DNAH1: variants seen among roughly 807,000 people sequenced by gnomAD.
The protein encoded by DNAH1 is axonemal beta dynein heavy chain 1.
In DNAH1, 327 loss-of-function variants were observed where a neutral mutation model predicts 484.3. The ratio of observed to expected loss-of-function variants is 0.68; its 90% CI spans 0.62 to 0.74. The LOEUF (loss-of-function observed/expected upper bound fraction) is 0.74, where lower values mean the gene tolerates loss of function less well. Ranked by LOEUF, DNAH1 falls within the 30% of genes least tolerant of loss-of-function variation. DNAH1 has a pLI of 0.00. For missense variants in DNAH1, 5,052 were observed against 5,546.8 expected (o/e 0.91, Z 2.83); for synonymous variants, 2,192 against 2,191.9 (o/e 1.00, Z 0.00).
chr3:52,322,100 G>T (rs1419432453), intron 1 of DNAH1, among the ~76,000 whole-genome samples: 1 of 152,136 alleles, frequency 6.6e-6, no homozygotes, highest in Non-Finnish European at 1.5e-5. Flanking sequence ...GGGGAGAGGG[G>T]TGGACAAGTG....
intron 8 of DNAH1, among the ~76,000 whole-genome samples, chr3:52,334,934 C>T (rs548855670): frequency 2.6e-5 from 4 of 151,712 alleles, no homozygotes; most frequent in Non-Finnish European, 4.4e-5. Flanking sequence ...CTGCAAGATC[C>T]GCCCCCCGGC....
In DNAH1 at chr3:52,369,939, G is replaced by A. The variant is rs751396355; in HGVS notation, c.6058G>A (p.Glu2020Lys). ...PSILGLMPFI[E>K]CWLRKLPPLL... The stretch of plus-strand genomic sequence containing the variant: ...CATCCTGGGGCTCATGCCCTTCATC[G>A]AGTGCTGGCTGAGGAAGCTGCCTCC... The change falls in exon 38 of 78, where the codon GAG (glutamate) becomes AAG (lysine). Residue 2020 changes from glutamate to lysine, a missense_variant. Glu to Lys is a moderately conservative substitution (Grantham distance 56). Around this residue, in one of 4 missense-constraint regions of DNAH1, gnomAD observed 2,929 missense variants for 3,409.4 expected, o/e 0.86. Transcript: ENST00000420323. The A allele has an allele frequency of 2.2e-5, 35 of 1,613,864 alleles. No homozygotes were observed. Among genetic ancestry groups the A allele is most frequent in the African/African-American group, 2.7e-5 (2 of 74,932 alleles).
chr3:52,373,734 C>A (rs1164185077), intron 44 of DNAH1: 1 of 1,383,200 alleles, frequency 7.2e-7, no homozygotes, highest in Non-Finnish European at 1.0e-6. Context: ...TGTTTCTGAT[C>A]CACTAAGTGA....
At chr3:52,327,072 G>T (rs543219343) in intron 5 of DNAH1, among the ~76,000 whole-genome samples, 181 bp downstream of exon 5, 1 of 151,044 alleles carries the variant, frequency 6.6e-6, no homozygotes, top group Non-Finnish European at 1.5e-5. Flanking sequence ...GATGGGGCAG[G>T]TGGGGCCCCC....
At chr3:52,366,150 G>A (rs747166369) in intron 34 of DNAH1, among the ~76,000 whole-genome samples, 1 of 152,226 alleles carries the variant, frequency 6.6e-6, no homozygotes, top group Non-Finnish European at 1.5e-5. Flanking sequence ...GGCTGAAGTT[G>A]GGGCCTGTGA....
At chr3:52,337,507 T>C (rs543923959) in intron 8 of DNAH1, among the ~76,000 whole-genome samples, 2 of 152,348 alleles carry the variant, frequency 1.3e-5, no homozygotes, top group African/African-American at 4.8e-5. Flanking sequence ...GAGCCAAATT[T>C]AAAACCTTTT....
At chr3:52,348,627 A>G (rs375251055) in intron 12 of DNAH1, among the ~76,000 whole-genome samples, 19 of 152,218 alleles carry the variant, frequency 1.2e-4, no homozygotes, top group African/African-American at 4.6e-4. Flanking sequence ...AGGCCCAGGC[A>G]GAGTCATGCC....
In DNAH1 at chr3:52,356,602, T is replaced by TC. The variant is rs771068841; in HGVS notation, c.3694-8dup. 6.2e-7 allele frequency: 1 copy of TC among 1,612,284 alleles called. No individual in the cohort carries two copies. Among genetic ancestry groups the TC allele is most frequent in the East Asian group, 2.2e-5 (1 of 44,866 alleles). Reference sequence around the variant, plus strand: ...TCCATATCACACCCCTCCCTGCCCCTCCCCTCCCCAGGAGGTTCTGGAGGA... The same window carrying TC: ...TCCATATCACACCCCTCCCTGCCCCTCCCCCTCCCCAGGAGGTTCTGGAGGA... On this transcript the variant is annotated splice_polypyrimidine_tract_variant and intron_variant, in intron 21 of 77. Coordinates refer to ENST00000420323, the MANE Select transcript of DNAH1 (RefSeq NM_015512.5).
At chr3:52,311,609 G>C (rs1165977074), upstream of DNAH1, among the ~76,000 whole-genome samples, 1 of 152,200 alleles carries the variant, frequency 6.6e-6, no homozygotes, top group Non-Finnish European at 1.5e-5. Context: ...CTTTGCCTGA[G>C]TTCACAACTC....
chr3:52,389,170 A>T (rs1278121720), intron 59 of DNAH1, among the ~76,000 whole-genome samples: 1 of 152,236 alleles, frequency 6.6e-6, no homozygotes, highest in Admixed American at 6.5e-5. Flanking sequence ...AAGAGCTCAC[A>T]CTTCTGCACT....
At chr3:52,386,566 G>C in intron 55 of DNAH1, 96 bp from the exon 56 acceptor site, 1 of 1,378,444 alleles carries the variant, frequency 7.3e-7, no homozygotes, top group Non-Finnish European at 9.7e-7. Flanking sequence ...TGTGGTAGTA[G>C]AGACTTGGTT....
At chr3:52,373,696 TA>T in intron 44 of DNAH1, 1 of 1,368,202 alleles carries the variant, frequency 7.3e-7, no homozygotes, top group Non-Finnish European at 1.0e-6. Context: ...ATCCAGAAGT[TA>T]TGTCAGTGTT....
chr3:52,312,471 C>CT (rs1206348745), upstream of DNAH1, among the ~76,000 whole-genome samples: 2,451 of 135,118 alleles, frequency 0.018, 71 homozygotes, highest in African/African-American at 0.056. Context: ...TATTGCCACG[C>CT]TTTTTTTTTT....
rs765277114 is a variant in DNAH1, at chr3:52,391,618, T to C, written c.10052+15T>C. 2 of 1,613,386 alleles carry C rather than the reference T, an allele frequency of 1.2e-6. No homozygotes were observed. Among genetic ancestry groups the C allele is most frequent in the South Asian group, 1.1e-5 (1 of 91,062 alleles). The stretch of plus-strand genomic sequence containing the variant: ...CTGTCGCCCAGGTGAGCCCCCACTC[T>C]TGGGGACGCCCAAGCATCAGCTCTG... On this transcript the variant is annotated intron_variant, in intron 63 of 77. Coordinates refer to ENST00000420323, the MANE Select transcript of DNAH1 (RefSeq NM_015512.5).
chr3:52,367,520 G>C (rs912065059), intron 36 of DNAH1, among the ~76,000 whole-genome samples: 3 of 151,944 alleles, frequency 2.0e-5, no homozygotes, highest in Non-Finnish European at 4.4e-5. Flanking sequence ...AGGTGAGGGG[G>C]CTGGGGGTCA....
intron 63 of DNAH1, among the ~76,000 whole-genome samples, chr3:52,392,214 A>C (rs927774879): frequency 6.6e-6 from 1 of 152,192 alleles, no homozygotes; most frequent in African/African-American, 2.4e-5. Context: ...CCGCTCACAC[A>C]TCCAACTGCT....
At chr3:52,378,834 C>T (rs1345739223) in intron 47 of DNAH1, 54 bp downstream of exon 47, 1 of 1,597,024 alleles carries the variant, frequency 6.3e-7, no homozygotes, top group Non-Finnish European at 8.6e-7. Flanking sequence ...CCGCATCCTC[C>T]CCAGCCCCAC....
chr3:52,364,778 C>T lies in DNAH1; in HGVS notation c.5331+54C>T, dbSNP rs902221683. ...GTGGAACTCTGGGAGGGCTCCTGGG[C>T]AGCTGGAGGGCAGCTGGCCCACTGC... On this transcript the variant is annotated intron_variant, in intron 33 of 77. Transcript: ENST00000420323. This position sits in a 1 kb window ranked among gnomAD's most constrained non-coding sequence, Gnocchi z 4.2. The T allele has an allele frequency of 5.6e-6, 9 of 1,606,090 alleles. No individual in the cohort carries two copies. In the Admixed American group the frequency reaches 1.3e-4, roughly 24 times the overall value.
At chr3:52,380,715 A>G (rs1341484498) in intron 48 of DNAH1, among the ~76,000 whole-genome samples, 1 of 152,176 alleles carries the variant, frequency 6.6e-6, no homozygotes, top group East Asian at 1.9e-4. Context: ...GGAACAGGGT[A>G]TGCTGTGGCA....
Sources: allele counts gnomAD v4.1 joint callset (sites outside exome capture counted in the v4.1 genomes callset), GRCh38; gene constraint gnomAD v4.1.1; regional missense constraint gnomAD v4.1.1; non-coding constraint Gnocchi (gnomAD v3.1); transcripts MANE v1.5; gene names NCBI Gene and HGNC (gene_info 2026-07-23, HGNC 2026-07-21).